ZCWPW2: variants seen among roughly 807,000 people sequenced by gnomAD.
ZCWPW2 encodes the protein zinc finger CW-type and PWWP domain containing 2.
ZCWPW2 carries 45 observed loss-of-function variants against 46.6 expected under a neutral mutation model. The observed-to-expected ratio is 0.96, with a 90% CI of 0.76 to 1.24. The LOEUF (loss-of-function observed/expected upper bound fraction) is 1.24. Among genes scored for constraint, ZCWPW2 ranks in the 50% most tolerant of loss-of-function variants. The pLI, the probability that ZCWPW2 is intolerant of heterozygous loss-of-function variation, is 0.00. For synonymous variants in ZCWPW2, 152 were observed against 137.1 expected, an observed-to-expected ratio of 1.11 and a Z score of -0.76; for missense variants, 429 against 403.9, an observed-to-expected ratio of 1.06 and a Z score of -0.53.
At chr3:28,475,438 G>T (rs1323644095) in intron 4 of ZCWPW2, among the ~76,000 whole-genome samples, 1 of 152,066 alleles carries the variant, frequency 6.6e-6, no homozygotes, top group Non-Finnish European at 1.5e-5. Context: ...ACTTGCCTCT[G>T]TATAGCCTTT....
At chr3:28,366,711 A>T (rs1705130816) in intron 1 of ZCWPW2, among the ~76,000 whole-genome samples, 1 of 152,160 alleles carries the variant, frequency 6.6e-6, no homozygotes. Context: ...TAGTTTCAGA[A>T]GGAATGGTAC....
intron 3 of ZCWPW2, among the ~76,000 whole-genome samples, chr3:28,419,841 G>A (rs1270597027): frequency 2.0e-5 from 2 of 99,190 alleles, no homozygotes; most frequent in African/African-American, 4.0e-5. Context: ...ACCAAACACC[G>A]CATGTTCTCA....
chr3:28,401,568 T>C (rs113416224), intron 2 of ZCWPW2, among the ~76,000 whole-genome samples: 7 of 152,162 alleles, frequency 4.6e-5, no homozygotes, highest in African/African-American at 1.4e-4. Context: ...TTTTAAAGTA[T>C]ACCCTGGAAC....
In ZCWPW2 at chr3:28,493,502, G is replaced by A. The variant is rs1195069151; in HGVS notation, c.657+1329G>A. On this transcript the variant is annotated intron_variant, in intron 6 of 9. Coordinates refer to ENST00000383768, the MANE Select transcript of ZCWPW2 (RefSeq NM_001040432.4). ...ACTCATCATTTTTTATGGCTGCATA[G>A]TATTCCATGGTGTATATGTGCCACA... Among the ~76,000 whole-genome samples, 34 of 119,202 alleles carry A rather than the reference G, an allele frequency of 2.9e-4. 1 individual carries two copies. In the South Asian group the frequency reaches 9.4e-3, roughly 33 times the overall value. The allele number at this position is 119,202 out of a possible 152,430, so 78.2% of individuals were successfully genotyped here. A position where few individuals can be genotyped will look rare whatever the true frequency, so the allele number is the denominator to read the frequency against.
intron 4 of ZCWPW2, among the ~76,000 whole-genome samples, chr3:28,450,779 T>A (rs949308812): frequency 2.0e-5 from 3 of 152,294 alleles, no homozygotes; most frequent in African/African-American, 4.8e-5. Flanking sequence ...TGTTTATCCA[T>A]TGTATTATGA....
chr3:28,477,991 A>T (rs1392188456), intron 4 of ZCWPW2, among the ~76,000 whole-genome samples: 2 of 151,986 alleles, frequency 1.3e-5, no homozygotes, highest in African/African-American at 4.8e-5. Context: ...CTTAAAATAT[A>T]TTTTTTGAAA....
chr3:28,481,308 A>T (rs2125806762), intron 5 of ZCWPW2, among the ~76,000 whole-genome samples: 1 of 152,210 alleles, frequency 6.6e-6, no homozygotes, highest in South Asian at 2.1e-4. Context: ...CAGTGGCGCG[A>T]TCTTGGCTCA....
At chr3:28,410,917 AAG>A (rs1696374103) in intron 2 of ZCWPW2, among the ~76,000 whole-genome samples, 1 of 152,028 alleles carries the variant, frequency 6.6e-6, no homozygotes, top group South Asian at 2.1e-4. Flanking sequence ...TTCAAAGCAA[AAG>A]AGACAAATGT....
intron 1 of ZCWPW2, among the ~76,000 whole-genome samples, chr3:28,371,111 C>G (rs1705319896): frequency 6.6e-6 from 1 of 152,034 alleles, no homozygotes; most frequent in Non-Finnish European, 1.5e-5. Flanking sequence ...GAATATTAGA[C>G]TTTAAATTTA....
At chr3:28,400,974 T>C (rs1274750860) in intron 2 of ZCWPW2, among the ~76,000 whole-genome samples, 1 of 151,880 alleles carries the variant, frequency 6.6e-6, no homozygotes, top group Non-Finnish European at 1.5e-5. Flanking sequence ...GGTCAGGAGA[T>C]CAAGACCATC....
In ZCWPW2 at chr3:28,348,945, C is replaced by T. The variant is rs1025304417; in HGVS notation, c.-392C>T. 7.7e-5 allele frequency: 76 copies of T among 985,356 alleles called. No homozygotes were observed. Among genetic ancestry groups the T allele is most frequent in the Middle Eastern group, 5.2e-4 (1 of 1,940 alleles). The allele number at this position is 985,356 out of a possible 1,614,324, so 61.0% of individuals were successfully genotyped here. The stretch of plus-strand genomic sequence containing the variant: ...ACGGGCCGGAGGGAGGGGAAGCACT[C>T]CGGAAAGTGATTGGAAGTGTGGATG... On this transcript the variant is annotated 5_prime_UTR_variant, in exon 1 of 10. Coordinates refer to ENST00000383768, the MANE Select transcript of ZCWPW2 (RefSeq NM_001040432.4).
intron 4 of ZCWPW2, among the ~76,000 whole-genome samples, chr3:28,440,562 T>A (rs1250803980): frequency 6.6e-6 from 1 of 152,208 alleles, no homozygotes; most frequent in Non-Finnish European, 1.5e-5. Context: ...CTGCAAAGTA[T>A]TGTCACCTAG....
intron 8 of ZCWPW2, among the ~76,000 whole-genome samples, chr3:28,516,750 TA>T (rs1370473541): frequency 1.3e-5 from 2 of 152,054 alleles, no homozygotes; most frequent in Non-Finnish European, 2.9e-5. Context: ...CTCATGCCTG[TA>T]ATCCTAGCAC....
intron 9 of ZCWPW2, among the ~76,000 whole-genome samples, chr3:28,522,166 T>A (rs1700740649): frequency 6.6e-6 from 1 of 152,106 alleles, no homozygotes; most frequent in African/African-American, 2.4e-5. Context: ...CTAATGTAAA[T>A]GACAAGTTAA....
At chr3:28,515,016 A>G (rs1700526019) in intron 7 of ZCWPW2, among the ~76,000 whole-genome samples, 1 of 152,196 alleles carries the variant, frequency 6.6e-6, no homozygotes, top group African/African-American at 2.4e-5. Flanking sequence ...TAGGAAGTAT[A>G]TTATAATCTC....
chr3:28,384,370 T>G (rs1695197906), intron 1 of ZCWPW2, among the ~76,000 whole-genome samples: 1 of 152,180 alleles, frequency 6.6e-6, no homozygotes, highest in African/African-American at 2.4e-5. Context: ...TAGAAAATTT[T>G]TTAAAAATAT....
intron 6 of ZCWPW2, among the ~76,000 whole-genome samples, chr3:28,513,175 A>C (rs971656722): frequency 6.6e-6 from 1 of 152,138 alleles, no homozygotes; most frequent in East Asian, 1.9e-4. Flanking sequence ...TAATTATTTT[A>C]TGGGCTTTTT....
At position 28,411,298 on chromosome 3, in the gene ZCWPW2, G is replaced by A. The variant is rs77790914; in HGVS notation, c.-13-1758G>A. 8.6e-3 allele frequency among the ~76,000 whole-genome samples: 1,301 copies of A among 151,792 alleles called. 29 individuals carry two copies. Among genetic ancestry groups the A allele is most frequent in the African/African-American group, 0.03 (1,226 of 41,462 alleles). ...CCATATATTTATCTCAGTATATGCA[G>A]AAAAGAATTTGATGAAATTAAACAC... On this transcript the variant is annotated intron_variant, in intron 2 of 9. Coordinates refer to ENST00000383768, the MANE Select transcript of ZCWPW2 (RefSeq NM_001040432.4).
intron 1 of ZCWPW2, among the ~76,000 whole-genome samples, chr3:28,369,311 T>G (rs1384101073): frequency 6.6e-6 from 1 of 152,200 alleles, no homozygotes; most frequent in Non-Finnish European, 1.5e-5. Context: ...TCTTTGATGA[T>G]GGTGACGTAC....
Sources: allele counts gnomAD v4.1 joint callset (sites outside exome capture counted in the v4.1 genomes callset), GRCh38; gene constraint gnomAD v4.1.1; transcripts MANE v1.5; gene names NCBI Gene and HGNC (gene_info 2026-07-23, HGNC 2026-07-21).